Variants in YEATS2 observed in about 807,000 individuals in gnomAD.
YEATS2 encodes the protein YEATS domain-containing protein 2.
A neutral mutation model predicts 163.2 loss-of-function variants in YEATS2; 77 were observed. The observed-to-expected ratio is 0.47, with a 90% confidence interval of 0.39 to 0.57. YEATS2 has a LOEUF of 0.57. Ranked by LOEUF, YEATS2 falls within the 20% of genes least tolerant of loss-of-function variation. The probability of loss-of-function intolerance (pLI) is 0.00; values close to 1 mark genes in which losing one functional copy is unlikely to be tolerated. For synonymous variants in YEATS2, 631 were observed against 645.1 expected, an observed-to-expected ratio of 0.98 and a Z score of 0.33; for missense variants, 1,549 against 1,729.8, an observed-to-expected ratio of 0.90 and a Z score of 1.85.
At position 183,728,974 on chromosome 3, in the gene YEATS2, G is replaced by C; in HGVS notation, c.812+123G>C. 3 of 1,161,180 alleles carry C rather than the reference G, an allele frequency of 2.6e-6. No homozygotes were observed. The South Asian group carries it at 4.6e-5, about 18-fold the overall frequency. 71.9% of individuals were successfully genotyped at this position (1,161,180 alleles called of 1,614,324 possible). A position where few individuals can be genotyped will look rare whatever the true frequency, so the allele number is the denominator to read the frequency against. On this transcript the variant is annotated intron_variant, in intron 7 of 30. Transcript: ENST00000305135. ...AGTAGTAATTGAGAATTGGCTCTTAGTCAAAATGTAGTTGGAGGCCGGGTG... is the reference window on the plus strand; with the variant it reads ...AGTAGTAATTGAGAATTGGCTCTTACTCAAAATGTAGTTGGAGGCCGGGTG...
intron 1 of YEATS2, among the ~76,000 whole-genome samples, chr3:183,711,912 C>T (rs147169256): frequency 0.017 from 2,541 of 151,144 alleles, 75 homozygotes; most frequent in East Asian, 0.15. Flanking sequence ...CTCCATTTCC[C>T]GGGTTCAAGC....
chr3:183,722,809 C>T (rs557971530), intron 5 of YEATS2, among the ~76,000 whole-genome samples: 16 of 152,260 alleles, frequency 1.1e-4, no homozygotes, highest in Non-Finnish European at 1.8e-4. Context: ...TGTGCTACCA[C>T]GCCTGGCTAA....
chr3:183,705,082 CTG>C (rs1362798810), intron 1 of YEATS2, among the ~76,000 whole-genome samples: 1 of 152,084 alleles, frequency 6.6e-6, no homozygotes, highest in Non-Finnish European at 1.5e-5. Context: ...GGGTCTGGCT[CTG>C]TCACCCAGGC....
chr3:183,776,166 G>A, intron 18 of YEATS2, 43 bp downstream of exon 18: 1 of 1,499,694 alleles, frequency 6.7e-7, no homozygotes, highest in Non-Finnish European at 8.9e-7. Flanking sequence ...TTTAGCTATT[G>A]GATAACTATG....
In YEATS2 at chr3:183,776,021, A is replaced by G; in HGVS notation, c.2475A>G (p.Gly825=). 2 of 1,612,698 alleles carry G rather than the reference A, an allele frequency of 1.2e-6. No individual in the cohort carries two copies. The highest frequency in any genetic ancestry group is 1.7e-6 in the Non-Finnish European group (2 of 1,179,694). The change falls in exon 18 of 31, where the codon GGA becomes GGG. Residue 825 remains glycine, a synonymous_variant. Transcript: ENST00000305135. ...SGSGGGGSTG[G]GGGTAGGGTQ... is the part of the protein sequence containing the mutation. ...GCGGTGGAGGCGGCAGCACAGGAGG[A>G]GGAGGAGGAACAGCAGGAGGAGGAA...
intron 19 of YEATS2, among the ~76,000 whole-genome samples, chr3:183,778,111 CAAAAAAAAAAAAAAAAA>C (rs1294810120): frequency 0.011 from 642 of 56,408 alleles, 7 homozygotes; most frequent in African/African-American, 0.04. Flanking sequence ...GATTCTGTCT[CAAAAAAAAAAAAAAAAA>C]GAAAAAAAAA....
chr3:183,731,689 G>A (rs1024536780), intron 7 of YEATS2, among the ~76,000 whole-genome samples: 23 of 152,188 alleles, frequency 1.5e-4, no homozygotes, highest in Admixed American at 3.9e-4. Context: ...TCCTTATCCA[G>A]TTTCTCTTTC....
chr3:183,699,621 A>T (rs1417913187), intron 1 of YEATS2, among the ~76,000 whole-genome samples: 2 of 151,888 alleles, frequency 1.3e-5, no homozygotes, highest in African/African-American at 4.8e-5. Context: ...GAGATCACTG[A>T]GGGGAAAGAG....
At chr3:183,715,929 G>A in intron 2 of YEATS2, among the ~76,000 whole-genome samples, 1 of 152,116 alleles carries the variant, frequency 6.6e-6, no homozygotes, top group Non-Finnish European at 1.5e-5. Flanking sequence ...TCTTAAGCAA[G>A]CTTAAAAAAA....
intron 15 of YEATS2, among the ~76,000 whole-genome samples, chr3:183,765,152 C>T (rs1721778341): frequency 6.6e-6 from 1 of 152,138 alleles, no homozygotes; most frequent in Admixed American, 6.5e-5. Flanking sequence ...AAGAATTCTG[C>T]CAAAATCCCT....
intron 16 of YEATS2, 129 bp from the exon 17 acceptor site, chr3:183,773,503 TG>T: frequency 1.1e-6 from 1 of 914,560 alleles, no homozygotes. Flanking sequence ...ATTGTGCATC[TG>T]GGAAACAAAC....
At chr3:183,701,289 A>G (rs760177868) in intron 1 of YEATS2, among the ~76,000 whole-genome samples, 5 of 151,900 alleles carry the variant, frequency 3.3e-5, no homozygotes, top group Non-Finnish European at 7.4e-5. Flanking sequence ...GGGTTTCACC[A>G]TGTTAGCCAG....
chr3:183,733,813 C>T (rs1218198756), intron 7 of YEATS2, among the ~76,000 whole-genome samples: 1 of 151,728 alleles, frequency 6.6e-6, no homozygotes, highest in African/African-American at 2.4e-5. Context: ...GACCCTTAGC[C>T]AACTTCCTAA....
intron 13 of YEATS2, among the ~76,000 whole-genome samples, 194 bp downstream of exon 13, chr3:183,759,159 G>A (rs574229982): frequency 5.3e-5 from 8 of 152,134 alleles, no homozygotes; most frequent in Non-Finnish European, 7.4e-5. Flanking sequence ...CCACTTTGCC[G>A]GTTTCTGAAC....
intron 8 of YEATS2, among the ~76,000 whole-genome samples, chr3:183,741,613 C>T (rs888202917): frequency 6.6e-6 from 1 of 151,474 alleles, no homozygotes; most frequent in South Asian, 2.1e-4. Context: ...AAAACCCCGT[C>T]TCTACTAAAA....
intron 1 of YEATS2, among the ~76,000 whole-genome samples, chr3:183,708,089 T>C (rs1714803853): frequency 6.6e-6 from 1 of 152,000 alleles, no homozygotes; most frequent in African/African-American, 2.4e-5. Flanking sequence ...TGATACCTCA[T>C]ATGATATATG....
chr3:183,811,406 TCTG>T lies in YEATS2; in HGVS notation c.*830_*832del, dbSNP rs1371571882. ...GCCATCTGCATGGCCTGCAGGAGCT[TCTG>T]CTGCTGACCCCATGCTGAGTGGCCA... On this transcript the variant is annotated 3_prime_UTR_variant, in exon 31 of 31. Transcript: ENST00000305135. 5 of 152,712 alleles carry T rather than the reference TCTG, an allele frequency of 3.3e-5. No individual in the cohort carries two copies. The highest frequency in any genetic ancestry group is 4.4e-5 in the Non-Finnish European group (3 of 68,152). The allele number at this position is 152,712 out of a possible 1,614,324, so 9.5% of individuals were successfully genotyped here.
In YEATS2 at chr3:183,718,481, A is replaced by T; in HGVS notation, c.199-19A>T. The T allele has an allele frequency of 6.3e-7, 1 of 1,599,064 alleles. No homozygotes were observed. Among genetic ancestry groups the T allele is most frequent in the East Asian group, 2.2e-5 (1 of 44,506 alleles). ...ATAATTGCCGTTTTTTAAAGTAATGAGTTAACATTTGTTTTTAGCGACTGA... is the reference window on the plus strand; with the variant it reads ...ATAATTGCCGTTTTTTAAAGTAATGTGTTAACATTTGTTTTTAGCGACTGA... On this transcript the variant is annotated intron_variant, in intron 3 of 30. Coordinates refer to ENST00000305135, the MANE Select transcript of YEATS2 (RefSeq NM_018023.5).
At chr3:183,717,904 GAA>G (rs142311983) in intron 3 of YEATS2, among the ~76,000 whole-genome samples, 156 bp downstream of exon 3, 1 of 145,020 alleles carries the variant, frequency 6.9e-6, no homozygotes, top group African/African-American at 2.6e-5. Flanking sequence ...TTTGGGGAGA[GAA>G]AATGCTATTT....
Sources: allele counts gnomAD v4.1 joint callset (sites outside exome capture counted in the v4.1 genomes callset), GRCh38; gene constraint gnomAD v4.1.1; transcripts MANE v1.5; gene names NCBI Gene and HGNC (gene_info 2026-07-23, HGNC 2026-07-21).